Variants in HIVEP1 observed in about 807,000 individuals in gnomAD.
HIVEP1 encodes the protein zinc finger protein 40.
In HIVEP1, 36 loss-of-function variants were observed where a neutral mutation model predicts 180.0. That is an observed-to-expected ratio of 0.20 (90% CI 0.15 to 0.26). The LOEUF (loss-of-function observed/expected upper bound fraction) is 0.26. Ranked by LOEUF, HIVEP1 falls within the 10% of genes least tolerant of loss-of-function variation. The probability of loss-of-function intolerance (pLI) is 1.00; values close to 1 mark genes in which losing one functional copy is unlikely to be tolerated. For synonymous variants in HIVEP1, 1,239 were observed against 1,239.0 expected, an observed-to-expected ratio of 1.00 and a Z score of 0.00; for missense variants, 3,143 against 3,268.7, an observed-to-expected ratio of 0.96 and a Z score of 0.94.
chr6:12,104,119 A>G (rs1370306201), intron 3 of HIVEP1, among the ~76,000 whole-genome samples: 1 of 152,078 alleles, frequency 6.6e-6, no homozygotes, highest in Non-Finnish European at 1.5e-5. Context: ...TTTGACTTTC[A>G]TAGTTTCAAA....
chr6:12,072,321 G>T (rs1026660991), intron 2 of HIVEP1, among the ~76,000 whole-genome samples: 1 of 152,074 alleles, frequency 6.6e-6, no homozygotes, highest in East Asian at 1.9e-4. Flanking sequence ...AGGGTAATTT[G>T]GCTAGATATA....
chr6:12,108,324 C>T (rs1470629920), intron 3 of HIVEP1, among the ~76,000 whole-genome samples: 3 of 152,266 alleles, frequency 2.0e-5, no homozygotes, highest in Non-Finnish European at 4.4e-5. Flanking sequence ...CAGCTGGCTT[C>T]ACCCAGTAGA....
At chr6:12,144,560 C>T (rs991988984) in intron 7 of HIVEP1, among the ~76,000 whole-genome samples, 10 of 150,644 alleles carry the variant, frequency 6.6e-5, no homozygotes, top group Non-Finnish European at 1.3e-4. Flanking sequence ...AGCTTCTGCA[C>T]GAAACTACCA....
Position 12,163,742 on chromosome 6 carries a change from C to A in HIVEP1, c.7438C>A (p.Leu2480Ile). 2.5e-6 allele frequency: 4 copies of A among 1,614,124 alleles called. No homozygotes were observed. The highest frequency in any genetic ancestry group is 1.1e-5 in the South Asian group (1 of 91,074). ...GQIRVPGLQNLSTPGLQSLPS... is the reference protein window; with the variant it reads ...GQIRVPGLQNISTPGLQSLPS... The stretch of plus-strand genomic sequence containing the variant: ...AATCCGCGTGCCAGGCCTTCAGAAC[C>A]TAAGTACCCCAGGCTTGCAGTCACT... Residue 2480 changes from leucine to isoleucine, a missense_variant, in exon 9 of 9, where the codon CTA (leucine) becomes ATA (isoleucine). Transcript: ENST00000379388.
At position 12,025,564 on chromosome 6, in the gene HIVEP1, G is replaced by A. The variant is rs569571761; in HGVS notation, c.40+9896G>A. On this transcript the variant is annotated intron_variant, in intron 2 of 8. Transcript: ENST00000379388. ...ATCTCCGCCTAACAGTTGAAATTTCGGACCTGAAGGCTTAGAAAATATTTC... is the reference window on the plus strand; with the variant it reads ...ATCTCCGCCTAACAGTTGAAATTTCAGACCTGAAGGCTTAGAAAATATTTC... Among the ~76,000 whole-genome samples the A allele has an allele frequency of 2.2e-4, 33 of 152,246 alleles. No homozygotes were observed. In the South Asian group the frequency reaches 5.4e-3, roughly 25 times the overall value.
chr6:12,138,953 G>A (rs1040411685), intron 7 of HIVEP1, among the ~76,000 whole-genome samples: 9 of 151,548 alleles, frequency 5.9e-5, no homozygotes, highest in Admixed American at 5.9e-4. Context: ...ACTTCAAAAT[G>A]TCTTCAGAAT....
chr6:12,160,296 A>T (rs777481384), intron 7 of HIVEP1, among the ~76,000 whole-genome samples: 1 of 152,186 alleles, frequency 6.6e-6, no homozygotes, highest in Non-Finnish European at 1.5e-5. Flanking sequence ...GTTTCACATG[A>T]TGTTAAGAGG....
intron 2 of HIVEP1, among the ~76,000 whole-genome samples, chr6:12,050,928 C>A (rs1216359317): frequency 6.1e-5 from 9 of 147,930 alleles, no homozygotes; most frequent in African/African-American, 1.5e-4. Context: ...ATGCTCATTG[C>A]TACTGGGTTG....
intron 7 of HIVEP1, among the ~76,000 whole-genome samples, chr6:12,157,643 T>C (rs1760136318): frequency 2.0e-5 from 3 of 152,178 alleles, no homozygotes. Flanking sequence ...GTTTTACACA[T>C]TCAGGTATCT....
At chr6:12,036,964 G>T (rs573799776) in intron 2 of HIVEP1, among the ~76,000 whole-genome samples, 1 of 152,310 alleles carries the variant, frequency 6.6e-6, no homozygotes, top group Non-Finnish European at 1.5e-5. Flanking sequence ...TGGTGTGGAG[G>T]CTGGGTCTTG....
At chr6:12,021,471 TTCTCTTG>T (rs1379295765) in intron 2 of HIVEP1, among the ~76,000 whole-genome samples, 1 of 152,206 alleles carries the variant, frequency 6.6e-6, no homozygotes, top group Non-Finnish European at 1.5e-5. Flanking sequence ...CCATTTTCTG[TTCTCTTG>T]TCAGATATCC....
rs1444054398 is a variant in HIVEP1, at chr6:12,122,879, A to C, written c.3084A>C (p.Ile1028=). 1 of 1,614,192 alleles carries C rather than the reference A, an allele frequency of 6.2e-7. No individual in the cohort carries two copies. Among genetic ancestry groups the C allele is most frequent in the Non-Finnish European group, 8.5e-7 (1 of 1,180,024 alleles). ...SSGIWEQTPQ[I]RKRRKMKSVG... ...GCATCTGGGAACAGACGCCCCAGAT[A>C]AGAAAAAGGAGGAAAATGAAAAGTG... The change falls in exon 4 of 9, where the codon ATA becomes ATC. Residue 1028 remains isoleucine, a synonymous_variant. Transcript: ENST00000379388.
intron 6 of HIVEP1, among the ~76,000 whole-genome samples, 166 bp downstream of exon 6, chr6:12,131,108 C>A (rs953419075): frequency 6.6e-6 from 1 of 151,662 alleles, no homozygotes; most frequent in Non-Finnish European, 1.5e-5. Context: ...GATTTTAGAC[C>A]CATTGGGAAA....
chr6:12,122,606 C>G lies in HIVEP1; in HGVS notation c.2811C>G (p.Ser937Arg). ...CTGGTGAAGCCATGTCAGTGAGGAG[C>G]AAGGCACTGGCACAAGGCCCACATA... ...HAAGEAMSVR[S>R]KALAQGPHIE... The change falls in exon 4 of 9, where the codon AGC becomes AGG. Residue 937 changes from serine (S) to arginine (R), a missense_variant. Physicochemically the swap from Ser to Arg is moderately radical, Grantham distance 110. Around this residue, in one of 12 missense-constraint regions of HIVEP1, gnomAD observed 204 missense variants for 243.7 expected, o/e 0.84. Coordinates refer to ENST00000379388, the MANE Select transcript of HIVEP1 (RefSeq NM_002114.4). 2 of 1,614,142 alleles carry G rather than the reference C, an allele frequency of 1.2e-6. No homozygotes were observed. The highest frequency in any genetic ancestry group is 1.7e-6 in the Non-Finnish European group (2 of 1,180,026).
chr6:12,154,405 C>T (rs1759895045), intron 7 of HIVEP1, among the ~76,000 whole-genome samples: 1 of 152,206 alleles, frequency 6.6e-6, no homozygotes, highest in South Asian at 2.1e-4. Context: ...TAGGACAGGA[C>T]CTTACTTTCC....
intron 2 of HIVEP1, among the ~76,000 whole-genome samples, chr6:12,031,881 C>G (rs1768969548): frequency 6.6e-6 from 1 of 152,146 alleles, no homozygotes; most frequent in Non-Finnish European, 1.5e-5. Flanking sequence ...TTCTGTCCTC[C>G]TGTGGACCGT....
chr6:12,174,477 C>T, the HIVEP1 span, among the ~76,000 whole-genome samples: 2,445 of 152,092 alleles, frequency 0.016, 72 homozygotes, highest in African/African-American at 0.056. Flanking sequence ...ACCCTAGTAC[C>T]CCCAGGTCAG....
Position 12,124,518 on chromosome 6 carries a change from T to G in HIVEP1, c.4723T>G (p.Ser1575Ala), listed in dbSNP as rs773649270. The G allele has an allele frequency of 6.8e-6, 11 of 1,614,066 alleles. No homozygotes were observed. Among genetic ancestry groups the G allele is most frequent in the Admixed American group, 1.7e-5 (1 of 60,014 alleles). Residue 1575 changes from serine to alanine, a missense_variant, in exon 4 of 9, where the codon TCT (serine) becomes GCT (alanine). This residue lies in a region of HIVEP1 where 1,357 missense variants were observed against 1,260.5 expected (regional missense o/e 1.08). Coordinates refer to ENST00000379388, the MANE Select transcript of HIVEP1 (RefSeq NM_002114.4). Reference sequence around the variant, plus strand: ...TTTCACTTCAGGCCCATCTTGCTCTTCTAATCCTGTGCATTCTTTGCCAAA... The same window carrying G: ...TTTCACTTCAGGCCCATCTTGCTCTGCTAATCCTGTGCATTCTTTGCCAAA... ...QVFTSGPSCS[S>A]NPVHSLPNQV...
chr6:12,085,481 A>T (rs1773060294), intron 2 of HIVEP1, among the ~76,000 whole-genome samples: 1 of 152,176 alleles, frequency 6.6e-6, no homozygotes, highest in Non-Finnish European at 1.5e-5. Context: ...AGCCTTATTT[A>T]TCATCAAATT....
Sources: allele counts gnomAD v4.1 joint callset (sites outside exome capture counted in the v4.1 genomes callset), GRCh38; gene constraint gnomAD v4.1.1; regional missense constraint gnomAD v4.1.1; transcripts MANE v1.5; gene names NCBI Gene and HGNC (gene_info 2026-07-23, HGNC 2026-07-21).